The following TMEM132D variants were observed in gnomAD, a reference collection of about 807,000 sequenced individuals.
The protein encoded by TMEM132D is transmembrane protein 132D, also known as mature OL transmembrane protein.
TMEM132D carries 21 observed loss-of-function variants against 62.3 expected under a neutral mutation model. The ratio of observed to expected loss-of-function variants is 0.34; its 90% CI spans 0.24 to 0.49. The LOEUF (loss-of-function observed/expected upper bound fraction) is 0.49. Among genes scored for constraint, TMEM132D ranks in the 20% least tolerant of loss-of-function variants. TMEM132D has a pLI of 0.99. For missense variants in TMEM132D, 1,346 were observed against 1,402.8 expected, an observed-to-expected ratio of 0.96 and a Z score of 0.65; for synonymous variants, 621 against 575.6, an observed-to-expected ratio of 1.08 and a Z score of -1.13.
At chr12:129,258,971 A>G (rs979069336) in intron 4 of TMEM132D, among the ~76,000 whole-genome samples, 2 of 152,198 alleles carry the variant, frequency 1.3e-5, no homozygotes, top group Non-Finnish European at 1.5e-5. Flanking sequence ...GGAAACAATT[A>G]TAAGGATGTG....
intron 2 of TMEM132D, among the ~76,000 whole-genome samples, chr12:129,644,178 T>A (rs1879709534): frequency 6.6e-6 from 1 of 152,118 alleles, no homozygotes. Flanking sequence ...CCTTAAAATA[T>A]ATAAAACCAA....
At chr12:129,878,741 G>A (rs953035743) in intron 1 of TMEM132D, among the ~76,000 whole-genome samples, 4 of 151,928 alleles carry the variant, frequency 2.6e-5, no homozygotes, top group African/African-American at 9.7e-5. Flanking sequence ...GCTAATTTTT[G>A]TATTTTTAGT....
rs1217883323 is a variant in TMEM132D, at chr12:129,089,572, T to TTCCCTGACCGGGGTGTCC, written c.1444-4888_1444-4871dup. Among the ~76,000 whole-genome samples the TTCCCTGACCGGGGTGTCC allele has an allele frequency of 8.5e-5, 10 of 117,322 alleles. 2 individuals carry two copies. The highest frequency in any genetic ancestry group is 1.5e-4 in the Non-Finnish European group (8 of 53,818). 77.0% of individuals were successfully genotyped at this position (117,322 alleles called of 152,430 possible). ...GGGTGTCCTCCCTGACTGAGGTGTC[T>TTCCCTGACCGGGGTGTCC]TCCCTGACCGGGGTGTCCTCCCTGA... is the stretch of plus-strand genomic sequence containing the variant. On this transcript the variant is annotated intron_variant, in intron 5 of 8. Transcript: ENST00000422113.
chr12:129,550,894 T>C (rs558015233), intron 2 of TMEM132D, among the ~76,000 whole-genome samples: 15 of 152,242 alleles, frequency 9.9e-5, no homozygotes, highest in Admixed American at 2.0e-4. Context: ...GTGCCTGAGA[T>C]AGAAGTCACA....
chr12:129,479,780 T>C (rs1464004603), intron 3 of TMEM132D, among the ~76,000 whole-genome samples: 2 of 144,684 alleles, frequency 1.4e-5, no homozygotes, highest in Non-Finnish European at 3.0e-5. Flanking sequence ...TCCTAGAGAT[T>C]TGAAGAAAGT....
chr12:129,514,235 T>G (rs1029373430), intron 3 of TMEM132D, among the ~76,000 whole-genome samples: 8 of 152,196 alleles, frequency 5.3e-5, no homozygotes, highest in African/African-American at 1.9e-4. Flanking sequence ...CCTGCACCCA[T>G]AATTCTATCG....
chr12:129,364,742 G>T (rs1324898742), intron 3 of TMEM132D, among the ~76,000 whole-genome samples: 1 of 152,120 alleles, frequency 6.6e-6, no homozygotes, highest in Non-Finnish European at 1.5e-5. Flanking sequence ...ATTATTGCAG[G>T]TGTTGTTCAA....
intron 4 of TMEM132D, among the ~76,000 whole-genome samples, chr12:129,295,246 C>A (rs1881543007): frequency 6.6e-6 from 1 of 152,078 alleles, no homozygotes; most frequent in Admixed American, 6.6e-5. Context: ...CACTACGGAA[C>A]ACTGCTGGCT....
At chr12:129,258,768 G>A (rs1880475939) in intron 4 of TMEM132D, among the ~76,000 whole-genome samples, 1 of 152,146 alleles carries the variant, frequency 6.6e-6, no homozygotes, top group Admixed American at 6.5e-5. Context: ...CTACTTTTAA[G>A]GAACTTATAG....
intron 2 of TMEM132D, among the ~76,000 whole-genome samples, chr12:129,585,786 C>T (rs2137130482): frequency 6.6e-6 from 1 of 151,284 alleles, no homozygotes; most frequent in East Asian, 2.0e-4. Context: ...AATGCATTTC[C>T]AATCAAAATA....
intron 1 of TMEM132D, among the ~76,000 whole-genome samples, chr12:129,795,626 C>T (rs768043590): frequency 1.3e-5 from 2 of 152,140 alleles, no homozygotes; most frequent in Non-Finnish European, 2.9e-5. Flanking sequence ...AGACAGACAC[C>T]GTGTGTAATG....
chr12:129,674,892 G>A (rs1226702028), intron 2 of TMEM132D, among the ~76,000 whole-genome samples: 1 of 152,084 alleles, frequency 6.6e-6, no homozygotes, highest in Non-Finnish European at 1.5e-5. Flanking sequence ...TCTCATGTAG[G>A]ATTTGTATTG....
At chr12:129,758,987 G>A (rs376160187) in intron 1 of TMEM132D, among the ~76,000 whole-genome samples, 2 of 150,638 alleles carry the variant, frequency 1.3e-5, no homozygotes, top group African/African-American at 4.9e-5. Context: ...AGGCTGGAGT[G>A]CAGTGGCGCA....
At chr12:129,814,070 C>T (rs1415377486) in intron 1 of TMEM132D, among the ~76,000 whole-genome samples, 1 of 152,124 alleles carries the variant, frequency 6.6e-6, no homozygotes, top group Non-Finnish European at 1.5e-5. Flanking sequence ...ATGGACGGAA[C>T]TGGTCCCTAT....
At chr12:129,678,217 A>C (rs264504) in intron 2 of TMEM132D, among the ~76,000 whole-genome samples, 1,968 of 152,248 alleles carry the variant, frequency 0.013, 35 homozygotes, top group African/African-American at 0.045. Flanking sequence ...TCACCAGGTC[A>C]TTCCCAATTA....
chr12:129,899,629 T>C (rs1038668115), intron 1 of TMEM132D, among the ~76,000 whole-genome samples: 5 of 152,212 alleles, frequency 3.3e-5, no homozygotes, highest in African/African-American at 1.2e-4. Context: ...GTAGCATAGC[T>C]TCTATAATAA....
chr12:129,762,316 C>T (rs1870406520), intron 1 of TMEM132D, among the ~76,000 whole-genome samples: 3 of 151,886 alleles, frequency 2.0e-5, no homozygotes, highest in Non-Finnish European at 4.4e-5. Context: ...ACATGAGCTG[C>T]CACTCTCTGC....
intron 2 of TMEM132D, among the ~76,000 whole-genome samples, chr12:129,545,351 C>A (rs559978872): frequency 1.3e-5 from 2 of 152,180 alleles, no homozygotes; most frequent in Non-Finnish European, 2.9e-5. Context: ...CAGTTCTCTG[C>A]TAGCCCACTT....
At chr12:129,306,056 C>A (rs2135631328) in intron 4 of TMEM132D, among the ~76,000 whole-genome samples, 1 of 152,256 alleles carries the variant, frequency 6.6e-6, no homozygotes, top group South Asian at 2.1e-4. Flanking sequence ...GGGTTTAACT[C>A]AGAGAAGTGG....
Sources: gnomAD v4.1 joint callset for allele counts (sites outside exome capture counted in the v4.1 genomes callset) on GRCh38, gnomAD v4.1.1 for gene constraint, MANE v1.5 for transcripts, NCBI Gene and HGNC (gene_info 2026-07-23, HGNC 2026-07-21) for gene names.